Variants in MYRIP observed in about 807,000 individuals in gnomAD.
The protein encoded by MYRIP is myosin VIIA and Rab interacting protein, also known as rab effector MyRIP.
MYRIP carries 49 observed loss-of-function variants against 98.0 expected under a neutral mutation model. The observed-to-expected ratio is 0.50, with a 90% CI of 0.40 to 0.63. The LOEUF is 0.63. Among genes scored for constraint, MYRIP ranks in the 30% least tolerant of loss-of-function variants. The pLI is 0.00. For synonymous variants in MYRIP, 404 were observed against 409.5 expected (o/e 0.99, Z 0.16); for missense variants, 1,004 against 1,058.2 (o/e 0.95, Z 0.71).
intron 2 of MYRIP, among the ~76,000 whole-genome samples, chr3:39,992,261 C>G (rs1318805762): frequency 6.6e-6 from 1 of 152,196 alleles, no homozygotes. Context: ...TCCCCGGACT[C>G]TTTCCCCATG....
chr3:40,007,610 G>A (rs1289113867), intron 2 of MYRIP, among the ~76,000 whole-genome samples: 2 of 152,178 alleles, frequency 1.3e-5, no homozygotes, highest in Admixed American at 1.3e-4. Flanking sequence ...TATCTAATGT[G>A]GCTCCTGGCC....
chr3:39,960,890 C>T (rs749721305), intron 2 of MYRIP, among the ~76,000 whole-genome samples: 1 of 152,100 alleles, frequency 6.6e-6, no homozygotes, highest in Admixed American at 6.6e-5. Flanking sequence ...AAAATCGATA[C>T]CTCCCCCTCA....
chr3:40,204,135 T>A (rs1377907063), intron 10 of MYRIP, among the ~76,000 whole-genome samples: 2 of 27,056 alleles, frequency 7.4e-5, no homozygotes, highest in African/African-American at 1.8e-4. Flanking sequence ...TATTATATAA[T>A]ATATTATATA....
rs536950621 is a variant in MYRIP, at chr3:39,886,236, G to A, written c.-30-14551G>A. Among the ~76,000 whole-genome samples the A allele has an allele frequency of 1.6e-3, 238 of 152,026 alleles. 1 individual carries two copies. Among genetic ancestry groups the A allele is most frequent in the African/African-American group, 5.6e-3 (230 of 41,408 alleles). On this transcript the variant is annotated intron_variant, in intron 1 of 16. Transcript: ENST00000302541. The stretch of plus-strand genomic sequence containing the variant: ...CCGGTACCAGCCACTGCAAAATCAT[G>A]CCAAAATATAAAGACCATCGAGACT...
chr3:39,973,416 C>A (rs1945655112), intron 2 of MYRIP, among the ~76,000 whole-genome samples: 1 of 152,058 alleles, frequency 6.6e-6, no homozygotes, highest in African/African-American at 2.4e-5. Flanking sequence ...TCCTTAGAGA[C>A]CTACAAAGAG....
At chr3:40,244,342 A>C in intron 12 of MYRIP, 104 bp from the exon 13 acceptor site, 3 of 967,114 alleles carry the variant, frequency 3.1e-6, no homozygotes, top group Non-Finnish European at 4.4e-6. Context: ...TGCAATGTGA[A>C]GTCCAGTTAT....
intron 2 of MYRIP, among the ~76,000 whole-genome samples, chr3:39,975,109 CCT>C (rs1945712095): frequency 1.3e-5 from 2 of 151,994 alleles, no homozygotes; most frequent in African/African-American, 4.8e-5. Context: ...TCAAATTGTC[CCT>C]GTTTGCAGAT....
chr3:40,162,667 C>T (rs972292082), intron 4 of MYRIP, 63 bp from the exon 5 acceptor site: 8 of 1,419,432 alleles, frequency 5.6e-6, no homozygotes, highest in Non-Finnish European at 8.0e-6. Flanking sequence ...CACAGTGCAT[C>T]AGGGTTCACT....
intron 3 of MYRIP, among the ~76,000 whole-genome samples, chr3:40,097,738 C>T (rs1948859922): frequency 6.6e-6 from 1 of 152,184 alleles, no homozygotes; most frequent in African/African-American, 2.4e-5. Context: ...TCAGAGCCTC[C>T]TGTGTCTCTG....
At chr3:40,227,567 ATAT>A (rs1559465485) in intron 11 of MYRIP, among the ~76,000 whole-genome samples, 1 of 152,226 alleles carries the variant, frequency 6.6e-6, no homozygotes, top group African/African-American at 2.4e-5. Context: ...TCTTTTTAAA[ATAT>A]TATTATTTGG....
chr3:40,018,090 T>C (rs1260762484), intron 2 of MYRIP, among the ~76,000 whole-genome samples: 1 of 152,216 alleles, frequency 6.6e-6, no homozygotes, highest in East Asian at 1.9e-4. Flanking sequence ...CATGAATTAG[T>C]GTTGCCTGTC....
At chr3:39,929,160 T>C (rs75053793) in intron 2 of MYRIP, among the ~76,000 whole-genome samples, 1 of 151,846 alleles carries the variant, frequency 6.6e-6, no homozygotes, top group Non-Finnish European at 1.5e-5. Context: ...TTGTTTAGAG[T>C]CACTCAAAAA....
intron 3 of MYRIP, among the ~76,000 whole-genome samples, chr3:40,055,196 G>A (rs1947860776): frequency 6.6e-6 from 1 of 152,076 alleles, no homozygotes. Context: ...AATCAATCAA[G>A]TACATACCCA....
chr3:40,174,926 G>A (rs528307084), intron 8 of MYRIP, among the ~76,000 whole-genome samples: 40 of 152,234 alleles, frequency 2.6e-4, no homozygotes, highest in African/African-American at 9.6e-4. Flanking sequence ...AATGGATCAC[G>A]TGGTCAGGAG....
intron 1 of MYRIP, among the ~76,000 whole-genome samples, chr3:39,890,773 C>A (rs998421692): frequency 6.6e-6 from 1 of 151,606 alleles, no homozygotes; most frequent in Non-Finnish European, 1.5e-5. Flanking sequence ...AGTAAATATG[C>A]CTTCTCTGTG....
At chr3:40,044,322 C>T (rs1013246642) in intron 3 of MYRIP, 51 bp downstream of exon 3, 2 of 1,545,300 alleles carry the variant, frequency 1.3e-6, no homozygotes, top group Non-Finnish European at 1.8e-6. Context: ...TAGAGAGATT[C>T]ACCTGCCACT....
rs1328467065 is a variant in MYRIP, at chr3:40,151,132, G to T, written c.417G>T (p.Lys139Asn). The T allele has an allele frequency of 6.2e-7, 1 of 1,612,058 alleles. No individual in the cohort carries two copies. Among genetic ancestry groups the T allele is most frequent in the Admixed American group, 1.7e-5 (1 of 59,816 alleles). ...FKRFGSAKVLKNLYRKHRLES... is the reference protein window; with the variant it reads ...FKRFGSAKVLNNLYRKHRLES... The stretch of plus-strand genomic sequence containing the variant: ...GCTTTGGCAGTGCCAAGGTTCTGAA[G>T]AACCTGTACAGGAAGCACCGGCTGG... The change falls in exon 4 of 17, where the codon AAG (lysine) becomes AAT (asparagine). Residue 139 changes from lysine to asparagine, a missense_variant. Around this residue, in one of 3 missense-constraint regions of MYRIP, gnomAD observed 880 missense variants for 907.7 expected, o/e 0.97. Transcript: ENST00000302541.
rs139406531 is a variant in MYRIP, at chr3:39,969,909, T to C, written c.110+68983T>C. On this transcript the variant is annotated intron_variant, in intron 2 of 16. Coordinates refer to ENST00000302541, the MANE Select transcript of MYRIP (RefSeq NM_015460.4). ...TGTAGGAATGGTACCAACTCTTCTT[T>C]GTACATCTGGTAGGATTTGGCTGAG... Among the ~76,000 whole-genome samples, 627 of 152,280 alleles carry C rather than the reference T, an allele frequency of 4.1e-3. 1 individual carries two copies. The highest frequency in any genetic ancestry group is 0.01 in the Middle Eastern group (3 of 294).
intron 3 of MYRIP, among the ~76,000 whole-genome samples, chr3:40,124,313 G>A (rs190759187): frequency 3.3e-5 from 5 of 152,296 alleles, no homozygotes; most frequent in Admixed American, 2.0e-4. Context: ...CACTTGGGCC[G>A]GGATCCTCCA....
Sources: allele counts gnomAD v4.1 joint callset (sites outside exome capture counted in the v4.1 genomes callset), GRCh38; gene constraint gnomAD v4.1.1; regional missense constraint gnomAD v4.1.1; transcripts MANE v1.5; gene names NCBI Gene and HGNC (gene_info 2026-07-23, HGNC 2026-07-21).